Variants in PKDCC observed in about 807,000 individuals in gnomAD.
PKDCC encodes extracellular tyrosine-protein kinase PKDCC.
Under a neutral mutation model 44.7 loss-of-function variants are expected in PKDCC, and 35 were observed. The ratio of observed to expected loss-of-function variants is 0.78; its 90% CI spans 0.60 to 1.04. The LOEUF (loss-of-function observed/expected upper bound fraction) is 1.04, where lower values mean the gene tolerates loss of function less well. Among genes scored for constraint, PKDCC ranks in the 50% least tolerant of loss-of-function variants. The probability of loss-of-function intolerance (pLI) is 0.00; values close to 1 mark genes in which losing one functional copy is unlikely to be tolerated. For missense variants in PKDCC, 738 were observed against 672.7 expected (o/e 1.10, Z -1.07); for synonymous variants, 353 against 303.3 (o/e 1.16, Z -1.70).
chr2:42,048,918 C>G lies in PKDCC; in HGVS notation c.639+80C>G, dbSNP rs1434588480. ...TGTCAACCTGGCTGGAAGAGAACCC[C>G]TTGATCTGGAGTGCCAGTGACTGCA... On this transcript the variant is annotated intron_variant, in intron 1 of 6. Transcript: ENST00000294964. This position sits in a 1 kb window ranked among gnomAD's most constrained non-coding sequence, Gnocchi z 6.2. 3 of 1,351,732 alleles carry G rather than the reference C, an allele frequency of 2.2e-6. No homozygotes were observed. The Admixed American group carries it at 8.9e-5, about 40-fold the overall frequency. The allele number at this position is 1,351,732 out of a possible 1,614,324, so 83.7% of individuals were successfully genotyped here. A position where few individuals can be genotyped will look rare whatever the true frequency, so the allele number is the denominator to read the frequency against.
rs182948588 is a variant in PKDCC at position 42,055,452 on chromosome 2, C to T, written c.1222+59C>T. The T allele has an allele frequency of 2.7e-6, 4 of 1,498,068 alleles. No homozygotes were observed. Among genetic ancestry groups the T allele is most frequent in the East Asian group, 4.6e-5 (2 of 43,496 alleles). The allele number at this position is 1,498,068 out of a possible 1,614,324, so 92.8% of individuals were successfully genotyped here. On this transcript the variant is annotated intron_variant, in intron 5 of 6. Coordinates refer to ENST00000294964, the MANE Select transcript of PKDCC (RefSeq NM_138370.3). This position sits in a 1 kb window ranked among gnomAD's most constrained non-coding sequence, Gnocchi z 4.5. The stretch of plus-strand genomic sequence containing the variant: ...AGAAACAGGTGGGAGGGTGAATGAC[C>T]CCGCCCAATTAGGCTAAGTGGCTCA...
chr2:42,050,273 C>A (rs1327522597), intron 1 of PKDCC, among the ~76,000 whole-genome samples: 1 of 152,198 alleles, frequency 6.6e-6, no homozygotes, highest in African/African-American at 2.4e-5. Flanking sequence ...CGTGGCCATT[C>A]TAACTGGGAG....
Position 42,057,670 on chromosome 2 carries a change from T to C in PKDCC, c.1464T>C (p.Tyr488=). ...TCCCTGATCCCAACAAGACCACATATGTGAAGGCCTCTGGCTGACCTATCT... is the reference window on the plus strand; with the variant it reads ...TCCCTGATCCCAACAAGACCACATACGTGAAGGCCTCTGGCTGACCTATCT... The part of the protein sequence containing the change: ...QVVPDPNKTT[Y]VKASG Residue 488 remains tyrosine (Y), a synonymous_variant, in exon 7 of 7, where the codon TAT becomes TAC. Transcript: ENST00000294964. The C allele has an allele frequency of 1.9e-6, 3 of 1,613,898 alleles. No homozygotes were observed. Among genetic ancestry groups the C allele is most frequent in the East Asian group, 4.5e-5 (2 of 44,870 alleles).
At position 42,048,137 on chromosome 2, in the gene PKDCC, T is replaced by C; in HGVS notation, c.-63T>C. On this transcript the variant is annotated 5_prime_UTR_variant, in exon 1 of 7. The change abolishes the stop of an existing upstream ORF in the 5' untranslated region. Coordinates refer to ENST00000294964, the MANE Select transcript of PKDCC (RefSeq NM_138370.3). The surrounding 1 kb of genome is among the most constrained non-coding windows in gnomAD (Gnocchi z 6.2). ...CGCAGAGCGGAGCCGCCTCGGAGCCTGAGCCGCCCGGGGCCGGGGCCGGGG... is the reference window on the plus strand; with the variant it reads ...CGCAGAGCGGAGCCGCCTCGGAGCCCGAGCCGCCCGGGGCCGGGGCCGGGG... 3 of 908,018 alleles carry C rather than the reference T, an allele frequency of 3.3e-6. No individual in the cohort carries two copies. The highest frequency in any genetic ancestry group is 3.8e-6 in the Non-Finnish European group (3 of 791,960). 56.2% of individuals were successfully genotyped at this position (908,018 alleles called of 1,614,324 possible). A position where few individuals can be genotyped will look rare whatever the true frequency, so the allele number is the denominator to read the frequency against.
In PKDCC at chr2:42,049,052, G is replaced by A. The variant is rs572153514; in HGVS notation, c.639+214G>A. ...TTACCGGAGAACTCCTGGGTTTCTCGGCTTCCACACATCTCTTAAAGACAG... is the reference window on the plus strand; with the variant it reads ...TTACCGGAGAACTCCTGGGTTTCTCAGCTTCCACACATCTCTTAAAGACAG... On this transcript the variant is annotated intron_variant, in intron 1 of 6. Coordinates refer to ENST00000294964, the MANE Select transcript of PKDCC (RefSeq NM_138370.3). Among the ~76,000 whole-genome samples, 680 of 152,190 alleles carry A rather than the reference G, an allele frequency of 4.5e-3. 5 individuals carry two copies. The highest frequency in any genetic ancestry group is 7.0e-3 in the Non-Finnish European group (476 of 68,002).
intron 2 of PKDCC, chr2:42,053,585 C>G: frequency 1.7e-6 from 1 of 601,924 alleles, no homozygotes; most frequent in Non-Finnish European, 2.8e-6. Flanking sequence ...TCCTTGTGCG[C>G]GTGTACACAC....
Position 42,057,264 on chromosome 2 carries a change from C to T in PKDCC, c.1266C>T (p.Tyr422=). Residue 422 remains tyrosine (Y), a synonymous_variant, in exon 6 of 7, where the codon TAC becomes TAT. Coordinates refer to ENST00000294964, the MANE Select transcript of PKDCC (RefSeq NM_138370.3). The part of the protein sequence containing the change: ...IPDSTIPQED[Y]RCWPSYHHGS... Reference sequence around the variant, plus strand: ...ACAGCACCATCCCCCAGGAAGACTACCGCTGCTGGCCATCCTACCACCACG... The same window carrying T: ...ACAGCACCATCCCCCAGGAAGACTATCGCTGCTGGCCATCCTACCACCACG... The T allele has an allele frequency of 6.2e-7, 1 of 1,614,248 alleles. No individual in the cohort carries two copies. The highest frequency in any genetic ancestry group is 8.5e-7 in the Non-Finnish European group (1 of 1,180,044).
rs548741681 is a variant in PKDCC, at chr2:42,055,071, C to T, written c.1114+51C>T. ...TCCAGGCACCTACCCCACCCCCACC[C>T]GCCAGCAAAAGTGGGGAGAAAAATA... On this transcript the variant is annotated intron_variant, in intron 4 of 6. Transcript: ENST00000294964. This position sits in a 1 kb window ranked among gnomAD's most constrained non-coding sequence, Gnocchi z 4.5. 8 of 1,548,902 alleles carry T rather than the reference C, an allele frequency of 5.2e-6. No individual in the cohort carries two copies. Among genetic ancestry groups the T allele is most frequent in the African/African-American group, 4.1e-5 (3 of 73,550 alleles).
In PKDCC at chr2:42,053,967, T is replaced by C. The variant is rs950298046; in HGVS notation, c.763-69T>C. On this transcript the variant is annotated intron_variant, in intron 2 of 6. Transcript: ENST00000294964. ...CAAAGTTCAGATTCCAAGAGGAGGGTGCCCTCGAGTCCCACAGACCCCCAA... is the reference window on the plus strand; with the variant it reads ...CAAAGTTCAGATTCCAAGAGGAGGGCGCCCTCGAGTCCCACAGACCCCCAA... 2.6e-6 allele frequency: 4 copies of C among 1,543,408 alleles called. No individual in the cohort carries two copies. In the Admixed American group the frequency reaches 5.4e-5, roughly 21 times the overall value.
chr2:42,048,954 G>C lies in PKDCC; in HGVS notation c.639+116G>C. 1.5e-6 allele frequency: 2 copies of C among 1,318,718 alleles called. No individual in the cohort carries two copies. Among genetic ancestry groups the C allele is most frequent in the East Asian group, 2.8e-5 (1 of 35,884 alleles). The allele number at this position is 1,318,718 out of a possible 1,614,324, so 81.7% of individuals were successfully genotyped here. A position where few individuals can be genotyped will look rare whatever the true frequency, so the allele number is the denominator to read the frequency against. ...GTGCCAGTGACTGCACCCAGGCTAA[G>C]CTAGACGCAGAAACCGGACCATGGC... On this transcript the variant is annotated intron_variant, in intron 1 of 6. Coordinates refer to ENST00000294964, the MANE Select transcript of PKDCC (RefSeq NM_138370.3). This position sits in a 1 kb window ranked among gnomAD's most constrained non-coding sequence, Gnocchi z 6.2.
intron 1 of PKDCC, 121 bp from the exon 2 acceptor site, chr2:42,053,118 C>T (rs555697066): frequency 3.4e-6 from 4 of 1,174,740 alleles, no homozygotes; most frequent in South Asian, 3.0e-5. Context: ...CTCTTCTGGC[C>T]TGAGCTGAAG....
chr2:42,053,987 C>A, intron 2 of PKDCC, 49 bp from the exon 3 acceptor site: 2 of 1,581,124 alleles, frequency 1.3e-6, no homozygotes, highest in Non-Finnish European at 1.7e-6. Context: ...TCCCACAGAC[C>A]CCCAACCCAG....
At position 42,052,115 on chromosome 2, in the gene PKDCC, G is replaced by A. The variant is rs944981552; in HGVS notation, c.640-1124G>A. On this transcript the variant is annotated intron_variant, in intron 1 of 6. Coordinates refer to ENST00000294964, the MANE Select transcript of PKDCC (RefSeq NM_138370.3). The surrounding 1 kb of genome is among the most constrained non-coding windows in gnomAD (Gnocchi z 4.3). ...CTTCCCAGAAGTCCCTGGGCAGTGC[G>A]GAGCTTCTCCCCAGATGACATAGAG... Among the ~76,000 whole-genome samples, 4 of 152,062 alleles carry A rather than the reference G, an allele frequency of 2.6e-5. No individual in the cohort carries two copies. Among genetic ancestry groups the A allele is most frequent in the Non-Finnish European group, 4.4e-5 (3 of 68,000 alleles).
chr2:42,053,283 C>T lies in PKDCC; in HGVS notation c.684C>T (p.Thr228=), dbSNP rs1262005183. ...AGGACAGCGAGGACATCCCAGACAC[C>T]CTGACCACCATCACGGAGCTGGGCG... ...CYQDSEDIPD[T]LTTITELGAP... is the part of the protein sequence containing the mutation. The change falls in exon 2 of 7, where the codon ACC becomes ACT. Residue 228 remains threonine (T), a synonymous_variant. Coordinates refer to ENST00000294964, the MANE Select transcript of PKDCC (RefSeq NM_138370.3). The T allele has an allele frequency of 1.1e-5, 17 of 1,613,558 alleles. 1 individual carries two copies. Among genetic ancestry groups the T allele is most frequent in the South Asian group, 7.7e-5 (7 of 91,056 alleles).
chr2:42,054,161 G>C lies in PKDCC; in HGVS notation c.888G>C (p.Leu296=), dbSNP rs370422643. 8 of 1,612,940 alleles carry C rather than the reference G, an allele frequency of 5.0e-6. No homozygotes were observed. The highest frequency in any genetic ancestry group is 4.4e-5 in the South Asian group (4 of 90,890). The change falls in exon 3 of 7, where the codon CTG becomes CTC. Residue 296 remains leucine, a synonymous_variant. Coordinates refer to ENST00000294964, the MANE Select transcript of PKDCC (RefSeq NM_138370.3). This position sits in a 1 kb window ranked among gnomAD's most constrained non-coding sequence, Gnocchi z 6.1. Reference sequence around the variant, plus strand: ...ATGGGGAGCTCAAAGTGACGGACCTGGATGACGCACGTGTGGAGGAGACGC... The same window carrying C: ...ATGGGGAGCTCAAAGTGACGGACCTCGATGACGCACGTGTGGAGGAGACGC... ...LVDGELKVTD[L]DDARVEETPC...
In PKDCC at chr2:42,051,565, G is replaced by A. The variant is rs1009227749; in HGVS notation, c.640-1674G>A. On this transcript the variant is annotated intron_variant, in intron 1 of 6. Coordinates refer to ENST00000294964, the MANE Select transcript of PKDCC (RefSeq NM_138370.3). The surrounding 1 kb of genome is among the most constrained non-coding windows in gnomAD (Gnocchi z 4.2). ...GTTAACAGCGCATTTAACGACCTCC[G>A]GGTGTTTAATAACCTTCAGAAGTTT... 2.0e-5 allele frequency among the ~76,000 whole-genome samples: 3 copies of A among 152,090 alleles called. No individual in the cohort carries two copies. The highest frequency in any genetic ancestry group is 1.9e-4 in the East Asian group (1 of 5,182).
rs964179313 is a variant in PKDCC, at chr2:42,057,817, C to G, written c.*129C>G. The G allele has an allele frequency of 4.1e-6, 3 of 739,298 alleles. No homozygotes were observed. The highest frequency in any genetic ancestry group is 6.7e-6 in the Non-Finnish European group (3 of 447,468). 45.8% of individuals were successfully genotyped at this position (739,298 alleles called of 1,614,324 possible). On this transcript the variant is annotated 3_prime_UTR_variant, in exon 7 of 7. Coordinates refer to ENST00000294964, the MANE Select transcript of PKDCC (RefSeq NM_138370.3). ...CTGCAGACAAAGCTAACATCCCAGA[C>G]AGACAGATGTGACCAGGACAAACGT...
chr2:42,057,211 C>G lies in PKDCC; in HGVS notation c.1223-10C>G. 1 of 1,613,794 alleles carries G rather than the reference C, an allele frequency of 6.2e-7. No homozygotes were observed. Among genetic ancestry groups the G allele is most frequent in the Non-Finnish European group, 8.5e-7 (1 of 1,179,730 alleles). ...CAGAATTCTCATTTTACTCCATCCCCAACCCACAGAGTACCAGTGTATCCC... is the reference window on the plus strand; with the variant it reads ...CAGAATTCTCATTTTACTCCATCCCGAACCCACAGAGTACCAGTGTATCCC... On this transcript the variant is annotated splice_polypyrimidine_tract_variant and intron_variant, in intron 5 of 6. Transcript: ENST00000294964.
rs1026629376 is a variant in PKDCC at position 42,052,596 on chromosome 2, A to G, written c.640-643A>G. 4.6e-5 allele frequency among the ~76,000 whole-genome samples: 7 copies of G among 152,112 alleles called. No individual in the cohort carries two copies. The highest frequency in any genetic ancestry group is 2.6e-4 in the Admixed American group (4 of 15,282). ...AAACCCTGTTTCTACTAAAAAGACA[A>G]AAATTAGCTGGGCATAGTGGCAAGC... On this transcript the variant is annotated intron_variant, in intron 1 of 6. Coordinates refer to ENST00000294964, the MANE Select transcript of PKDCC (RefSeq NM_138370.3). The surrounding 1 kb of genome is among the most constrained non-coding windows in gnomAD (Gnocchi z 4.3).
Sources: gnomAD v4.1 joint callset for allele counts (sites outside exome capture counted in the v4.1 genomes callset) on GRCh38, gnomAD v4.1.1 for gene constraint, Gnocchi (gnomAD v3.1) non-coding constraint, MANE v1.5 for transcripts, NCBI Gene and HGNC (gene_info 2026-07-23, HGNC 2026-07-21) for gene names.